Variants in CSMD1 observed in about 807,000 individuals in gnomAD.
CSMD1 encodes CUB and Sushi multiple domains 1.
A neutral mutation model predicts 417.5 loss-of-function variants in CSMD1; 213 were observed. The observed-to-expected ratio is 0.51, with a 90% CI of 0.46 to 0.57. The LOEUF (loss-of-function observed/expected upper bound fraction) is 0.57, where lower values mean the gene tolerates loss of function less well. CSMD1 is among the 20% of genes least tolerant of loss of function. The probability of loss-of-function intolerance (pLI) is 0.00; values close to 1 mark genes in which losing one functional copy is unlikely to be tolerated. For missense variants in CSMD1, 6,923 were observed against 4,529.7 expected, an observed-to-expected ratio of 1.53 and a Z score of -15.17; for synonymous variants, 2,862 against 1,736.8, an observed-to-expected ratio of 1.65 and a Z score of -16.11.
intron 3 of CSMD1, among the ~76,000 whole-genome samples, chr8:4,172,594 A>C (rs1197065593): frequency 6.6e-6 from 1 of 152,174 alleles, no homozygotes; most frequent in Admixed American, 6.5e-5. Context: ...GGTAAGGAAC[A>C]TCTAACTAAG....
intron 2 of CSMD1, among the ~76,000 whole-genome samples, chr8:4,428,945 T>G (rs182321192): frequency 6.6e-6 from 1 of 152,090 alleles, no homozygotes; most frequent in East Asian, 1.9e-4. Flanking sequence ...GATTCCTGAC[T>G]TGAAGTGATC....
At chr8:3,314,075 A>G (rs1368063737) in intron 23 of CSMD1, among the ~76,000 whole-genome samples, 1 of 151,744 alleles carries the variant, frequency 6.6e-6, no homozygotes, top group Non-Finnish European at 1.5e-5. Flanking sequence ...AACAATGAGA[A>G]CACATGGACA....
rs559620913 is a variant in CSMD1, at chr8:4,518,653, T to C, written c.303-98588A>G. The stretch of plus-strand genomic sequence containing the variant: ...CGGGGGGAGGAATCGCATTAGGAGA[T>C]ATACCTAATGCTAAATGACGAGTTA... On this transcript the variant is annotated intron_variant, in intron 2 of 69. Coordinates refer to ENST00000635120, the MANE Select transcript of CSMD1 (RefSeq NM_033225.6). 4.0e-5 allele frequency among the ~76,000 whole-genome samples: 6 copies of C among 150,114 alleles called. No homozygotes were observed. The South Asian group carries it at 6.5e-4, about 16-fold the overall frequency.
intron 6 of CSMD1, among the ~76,000 whole-genome samples, chr8:3,714,039 G>C (rs1380231839): frequency 1.3e-5 from 2 of 150,230 alleles, no homozygotes; most frequent in East Asian, 3.9e-4. Context: ...TAGATAGATA[G>C]ATAGATAGAT....
intron 2 of CSMD1, among the ~76,000 whole-genome samples, chr8:4,430,034 C>A (rs537070381): frequency 6.6e-6 from 1 of 152,224 alleles, no homozygotes; most frequent in Admixed American, 6.5e-5. Context: ...AAATCGACTG[C>A]CTGAGTTTTC....
At chr8:4,119,933 G>A (rs922031069) in intron 3 of CSMD1, among the ~76,000 whole-genome samples, 1 of 131,404 alleles carries the variant, frequency 7.6e-6, no homozygotes, top group African/African-American at 2.9e-5. Flanking sequence ...AGAGGAGCTG[G>A]GGATGGTTAA....
At chr8:4,089,141 A>T (rs1338771639) in intron 3 of CSMD1, among the ~76,000 whole-genome samples, 1 of 152,178 alleles carries the variant, frequency 6.6e-6, no homozygotes, top group Non-Finnish European at 1.5e-5. Flanking sequence ...TGCTTAACAA[A>T]ACATTGCTTG....
intron 1 of CSMD1, among the ~76,000 whole-genome samples, chr8:4,745,869 C>G (rs1457624898): frequency 3.9e-5 from 6 of 152,152 alleles, no homozygotes; most frequent in East Asian, 1.9e-4. Flanking sequence ...TATAGAAGGG[C>G]TTCTGAGCTT....
chr8:4,619,044 C>T (rs940872648), intron 2 of CSMD1, among the ~76,000 whole-genome samples: 3 of 152,168 alleles, frequency 2.0e-5, no homozygotes, highest in Admixed American at 2.0e-4. Flanking sequence ...ATTTACTTCT[C>T]TGCTCAAGCA....
intron 3 of CSMD1, among the ~76,000 whole-genome samples, chr8:4,247,894 A>C (rs1043903899): frequency 4.6e-5 from 7 of 152,196 alleles, no homozygotes; most frequent in African/African-American, 1.7e-4. Context: ...CTTGAGGGAT[A>C]AATTTTCACC....
chr8:3,624,824 T>C (rs1563209544), intron 7 of CSMD1, among the ~76,000 whole-genome samples: 1 of 152,194 alleles, frequency 6.6e-6, no homozygotes. Flanking sequence ...GACTCAGTAT[T>C]ATCTCATTGA....
At chr8:4,396,029 T>C (rs72624081) in intron 3 of CSMD1, among the ~76,000 whole-genome samples, 12,014 of 152,230 alleles carry the variant, frequency 0.079, 654 homozygotes, top group African/African-American at 0.15. Context: ...TCTAATTCTA[T>C]AGAAGGAGTA....
intron 12 of CSMD1, among the ~76,000 whole-genome samples, chr8:3,465,274 T>C (rs1355943294): frequency 2.0e-5 from 3 of 152,148 alleles, no homozygotes; most frequent in African/African-American, 7.2e-5. Context: ...TTCTGAAAAA[T>C]GCTCCTAAAA....
intron 5 of CSMD1, among the ~76,000 whole-genome samples, chr8:3,972,441 T>C (rs1185621995): frequency 2.0e-5 from 3 of 152,250 alleles, no homozygotes; most frequent in Admixed American, 1.3e-4. Flanking sequence ...CTTTAGGTCT[T>C]TGTAAACAGT....
At chr8:3,758,594 T>C (rs905298557) in intron 5 of CSMD1, among the ~76,000 whole-genome samples, 3 of 152,194 alleles carry the variant, frequency 2.0e-5, no homozygotes, top group Admixed American at 2.0e-4. Flanking sequence ...CTACGTAATT[T>C]AAAGGAAGAT....
intron 10 of CSMD1, among the ~76,000 whole-genome samples, chr8:3,571,473 A>G (rs1799939284): frequency 6.6e-6 from 1 of 152,210 alleles, no homozygotes. Flanking sequence ...GTTCAAGGAC[A>G]GCAGAGATTT....
At chr8:3,927,218 G>A (rs770161392) in intron 5 of CSMD1, among the ~76,000 whole-genome samples, 74 of 151,842 alleles carry the variant, frequency 4.9e-4, no homozygotes, top group Non-Finnish European at 1.6e-4. Context: ...ATAAATAAAT[G>A]CTAACCTTCT....
At chr8:3,511,772 C>T (rs1257348682) in intron 10 of CSMD1, among the ~76,000 whole-genome samples, 1 of 56,058 alleles carries the variant, frequency 1.8e-5, no homozygotes, top group Non-Finnish European at 3.9e-5. Flanking sequence ...AATAACATAA[C>T]ATAACATAAC....
At chr8:4,149,515 G>A (rs927646609) in intron 3 of CSMD1, among the ~76,000 whole-genome samples, 2 of 152,150 alleles carry the variant, frequency 1.3e-5, no homozygotes, top group African/African-American at 4.8e-5. Flanking sequence ...TAAATACTCA[G>A]GGAACTACCA....
Sources: allele counts gnomAD v4.1 joint callset (sites outside exome capture counted in the v4.1 genomes callset), GRCh38; gene constraint gnomAD v4.1.1; transcripts MANE v1.5; gene names NCBI Gene and HGNC (gene_info 2026-07-23, HGNC 2026-07-21).